LDHAL6A: variants seen among roughly 807,000 people sequenced by gnomAD.
LDHAL6A encodes the protein lactate dehydrogenase A like 6A.
A neutral mutation model predicts 28.2 loss-of-function variants in LDHAL6A; 19 were observed. The ratio of observed to expected loss-of-function variants is 0.67; its 90% CI spans 0.47 to 0.99. The LOEUF is 0.99. LDHAL6A is among the 50% of genes least tolerant of loss of function. The probability of loss-of-function intolerance (pLI) is 0.00; values close to 1 mark genes in which losing one functional copy is unlikely to be tolerated. For synonymous variants in LDHAL6A, 144 were observed against 134.4 expected (o/e 1.07, Z -0.49); for missense variants, 372 against 398.6 (o/e 0.93, Z 0.57).
intron 1 of LDHAL6A, among the ~76,000 whole-genome samples, chr11:18,459,903 T>TTTTGATG (rs1250219755): frequency 1.3e-5 from 2 of 152,116 alleles, no homozygotes; most frequent in Non-Finnish European, 2.9e-5. Flanking sequence ...TGGTGGGGTT[T>TTTTGATG]TTTTTGATGG....
intron 4 of LDHAL6A, 141 bp downstream of exon 4, chr11:18,475,780 C>A (rs1336451867): frequency 3.6e-6 from 2 of 550,826 alleles, no homozygotes; most frequent in South Asian, 4.4e-5. Flanking sequence ...ATTTTTACCA[C>A]ACTTATTTTT....
At chr11:18,478,222 C>A (rs1162147915) in intron 6 of LDHAL6A, among the ~76,000 whole-genome samples, 1 of 152,106 alleles carries the variant, frequency 6.6e-6, no homozygotes, top group Non-Finnish European at 1.5e-5. Flanking sequence ...CAAGACAGAT[C>A]TAGATCACTG....
intron 4 of LDHAL6A, 156 bp downstream of exon 4, chr11:18,475,795 TAACC>T (rs1283155638): frequency 1.1e-5 from 6 of 525,354 alleles, no homozygotes; most frequent in African/African-American, 3.9e-5. Context: ...ATTTTTAAAA[TAACC>T]AACAAAAAAT....
chr11:18,474,474 C>A lies in LDHAL6A; in HGVS notation c.419-992C>A, dbSNP rs552215207. ...CGATCTCGGCTCACTGCAACCTCCA[C>A]CTCCCGGGTTCAAGCAATTCTCCTG... is the stretch of plus-strand genomic sequence containing the variant. On this transcript the variant is annotated intron_variant, in intron 3 of 6. Coordinates refer to ENST00000280706, the MANE Select transcript of LDHAL6A (RefSeq NM_144972.5). Among the ~76,000 whole-genome samples the A allele has an allele frequency of 5.3e-5, 8 of 152,006 alleles. No individual in the cohort carries two copies. In the East Asian group the frequency reaches 1.5e-3, roughly 29 times the overall value.
chr11:18,474,214 G>C (rs899059671), intron 3 of LDHAL6A, among the ~76,000 whole-genome samples: 3 of 151,800 alleles, frequency 2.0e-5, no homozygotes, highest in African/African-American at 7.3e-5. Flanking sequence ...AAGTAGCTGG[G>C]ATTACAGGTG....
At chr11:18,466,270 C>A in intron 3 of LDHAL6A, among the ~76,000 whole-genome samples, 1 of 127,686 alleles carries the variant, frequency 7.8e-6, no homozygotes, top group Non-Finnish European at 1.7e-5. Flanking sequence ...TCGTAAACCA[C>A]CAGTATAATT....
chr11:18,460,594 C>CAAAAAAAAA (rs34780803), intron 1 of LDHAL6A, among the ~76,000 whole-genome samples: 32 of 90,348 alleles, frequency 3.5e-4, no homozygotes, highest in African/African-American at 1.1e-3. Context: ...AACTCCGTCT[C>CAAAAAAAAA]AAAAAAAAAA....
chr11:18,461,167 C>G (rs551731192), intron 1 of LDHAL6A, among the ~76,000 whole-genome samples: 4 of 138,408 alleles, frequency 2.9e-5, no homozygotes, highest in African/African-American at 1.1e-4. Flanking sequence ...TTTTTTGAGA[C>G]AGAATCTCGC....
Position 18,467,900 on chromosome 11 carries a change from TATATATATATATATATATAC to T in LDHAL6A, c.418+2092_418+2111del, listed in dbSNP as rs1565070866. On this transcript the variant is annotated intron_variant, in intron 3 of 6. Transcript: ENST00000280706. Reference sequence around the variant, plus strand: ...ACACACATATATATATATATATATATATATATATATATATATATACACACACATATATATATACACACACA... The same window carrying T: ...ACACACATATATATATATATATATATACACACATATATATATACACACACA... Among the ~76,000 whole-genome samples, 6 of 68,972 alleles carry T rather than the reference TATATATATATATATATATAC, an allele frequency of 8.7e-5. 1 individual carries two copies. In the South Asian group the frequency reaches 2.9e-3, roughly 33 times the overall value. 45.2% of individuals were successfully genotyped at this position (68,972 alleles called of 152,430 possible).
intron 1 of LDHAL6A, among the ~76,000 whole-genome samples, chr11:18,462,836 A>G (rs1052547088): frequency 6.6e-6 from 1 of 151,326 alleles, no homozygotes; most frequent in Admixed American, 6.6e-5. Context: ...CTCCATCTCA[A>G]AAAAAAACAA....
chr11:18,479,011 T>A lies in LDHAL6A; in HGVS notation c.*141T>A, dbSNP rs567810053. 2 of 231,766 alleles carry A rather than the reference T, an allele frequency of 8.6e-6. No homozygotes were observed. 14.4% of individuals were successfully genotyped at this position (231,766 alleles called of 1,614,324 possible). A position where few individuals can be genotyped will look rare whatever the true frequency, so the allele number is the denominator to read the frequency against. ...GACCTATTTAGTATAGCCTTCCAGC[T>A]TTTTTTTTTTTCTTTTTTGGGAGGG... On this transcript the variant is annotated 3_prime_UTR_variant, in exon 7 of 7. Transcript: ENST00000280706.
At chr11:18,463,366 C>G (rs147053825) in intron 1 of LDHAL6A, among the ~76,000 whole-genome samples, 1 of 152,164 alleles carries the variant, frequency 6.6e-6, no homozygotes, top group African/African-American at 2.4e-5. Context: ...TCTGCAGAGT[C>G]TCCTCCAGCA....
intron 1 of LDHAL6A, among the ~76,000 whole-genome samples, chr11:18,461,709 G>A (rs549573868): frequency 3.3e-5 from 5 of 150,352 alleles, no homozygotes; most frequent in South Asian, 4.3e-4. Context: ...AAAATTAGCC[G>A]GGCATGGTGG....
chr11:18,462,655 C>CAAAA (rs71047600), intron 1 of LDHAL6A, among the ~76,000 whole-genome samples: 1 of 105,532 alleles, frequency 9.5e-6, no homozygotes, highest in African/African-American at 4.9e-5. Context: ...AACAAACAAA[C>CAAAA]AAAAAAAAAA....
In LDHAL6A at chr11:18,478,883, CT is replaced by C; in HGVS notation, c.*14del. 1 of 1,596,084 alleles carries C rather than the reference CT, an allele frequency of 6.3e-7. No individual in the cohort carries two copies. The highest frequency in any genetic ancestry group is 1.1e-5 in the South Asian group (1 of 89,382). On this transcript the variant is annotated 3_prime_UTR_variant, in exon 7 of 7. Transcript: ENST00000280706. ...GCTCAAGCTTTAAAGTTGCTTAAAG[CT>C]AATTCTGTAGATTGAAGATGAAATA...
At chr11:18,458,407 G>A (rs987948637) in intron 1 of LDHAL6A, among the ~76,000 whole-genome samples, 3 of 152,184 alleles carry the variant, frequency 2.0e-5, no homozygotes, top group Non-Finnish European at 2.9e-5. Flanking sequence ...AAACTCAGTG[G>A]TGCTCCCTGC....
intron 3 of LDHAL6A, among the ~76,000 whole-genome samples, chr11:18,472,791 A>G (rs1849283031): frequency 6.6e-6 from 1 of 152,234 alleles, no homozygotes; most frequent in African/African-American, 2.4e-5. Flanking sequence ...AGTTGAATCA[A>G]TATTTATTTT....
intron 3 of LDHAL6A, among the ~76,000 whole-genome samples, chr11:18,470,204 C>T (rs1274488036): frequency 2.0e-5 from 3 of 152,320 alleles, no homozygotes; most frequent in Admixed American, 1.3e-4. Context: ...GGATTATAGG[C>T]GTGAGCCACC....
intron 3 of LDHAL6A, among the ~76,000 whole-genome samples, chr11:18,471,268 G>A (rs1389840278): frequency 6.7e-6 from 1 of 148,990 alleles, no homozygotes; most frequent in Admixed American, 6.7e-5. Context: ...GGAGTGCAGT[G>A]GCGCAAACTT....
Sources: gnomAD v4.1 joint callset for allele counts (sites outside exome capture counted in the v4.1 genomes callset) on GRCh38, gnomAD v4.1.1 for gene constraint, MANE v1.5 for transcripts, NCBI Gene and HGNC (gene_info 2026-07-23, HGNC 2026-07-21) for gene names.